The following KEL variants were observed in gnomAD, a reference collection of about 807,000 sequenced individuals.
The protein encoded by KEL is Kell metallo-endopeptidase (Kell blood group).
In KEL, 96 loss-of-function variants were observed where a neutral mutation model predicts 99.5. The ratio of observed to expected loss-of-function variants is 0.97; its 90% CI spans 0.82 to 1.14. KEL has a LOEUF of 1.14. KEL is among the 50% of genes most tolerant of loss of function. The probability of loss-of-function intolerance (pLI) is 0.00; values close to 1 mark genes in which losing one functional copy is unlikely to be tolerated. For missense variants in KEL, 926 were observed against 924.2 expected (o/e 1.00, Z -0.03); for synonymous variants, 355 against 354.8 (o/e 1.00, Z -0.01).
intron 1 of KEL, 126 bp from the exon 2 acceptor site, chr7:142,961,998 C>G: frequency 6.2e-7 from 1 of 1,610,022 alleles, no homozygotes; most frequent in East Asian, 2.2e-5. Context: ...ATATTTTTAT[C>G]TCGGAGCAGT....
At chr7:142,960,859 G>T in intron 4 of KEL, 69 bp downstream of exon 4, 2 of 1,440,140 alleles carry the variant, frequency 1.4e-6, no homozygotes, top group Non-Finnish European at 2.0e-6. Flanking sequence ...AGGGTTTGGA[G>T]CAGTCATGGT....
At chr7:142,954,569 G>A (rs1311629640) in intron 6 of KEL, 42 bp from the exon 7 acceptor site, 7 of 1,577,912 alleles carry the variant, frequency 4.4e-6, no homozygotes, top group Non-Finnish European at 6.1e-6. Context: ...GAGCATGGCG[G>A]ATGGAGAGGG....
intron 3 of KEL, 102 bp from the exon 4 acceptor site, chr7:142,961,206 T>C: frequency 6.6e-7 from 1 of 1,519,646 alleles, no homozygotes. Flanking sequence ...AGTGGGGAGC[T>C]GATGAAAAAG....
At chr7:142,946,059 T>C (rs1460004360) in intron 11 of KEL, 148 bp downstream of exon 11, 3 of 663,724 alleles carry the variant, frequency 4.5e-6, no homozygotes, top group African/African-American at 1.8e-5. Flanking sequence ...GAGCAGGCCT[T>C]TGGGTTCCCT....
At chr7:142,947,368 G>A (rs113431854) in intron 10 of KEL, among the ~76,000 whole-genome samples, 13 of 152,204 alleles carry the variant, frequency 8.5e-5, no homozygotes, top group African/African-American at 3.1e-4. Context: ...CTGGTCCTGG[G>A]AATGGAGGGG....
At chr7:142,948,085 C>A (rs1208976628) in intron 10 of KEL, among the ~76,000 whole-genome samples, 1 of 111,014 alleles carries the variant, frequency 9.0e-6, no homozygotes, top group East Asian at 2.5e-4. Context: ...TCTTCTCACC[C>A]CTTCTCATTC....
chr7:142,950,737 G>A (rs1796663130), intron 10 of KEL, among the ~76,000 whole-genome samples: 2 of 152,208 alleles, frequency 1.3e-5, no homozygotes, highest in South Asian at 2.1e-4. Context: ...TATGGATCAC[G>A]AAGTCGATAT....
chr7:142,961,164 G>T, intron 3 of KEL, 60 bp from the exon 4 acceptor site: 1 of 1,592,178 alleles, frequency 6.3e-7, no homozygotes, highest in South Asian at 1.1e-5. Context: ...CTCCCCCAAG[G>T]GGCTAGGCAA....
intron 12 of KEL, 73 bp downstream of exon 12, chr7:142,944,570 A>G (rs1042604548): frequency 2.2e-6 from 3 of 1,372,252 alleles, no homozygotes; most frequent in Non-Finnish European, 3.1e-6. Context: ...TTTGCTTCCA[A>G]TCCCCATCTC....
Position 142,961,824 on chromosome 7 carries a change from C to G in KEL, c.52G>C (p.Gly18Arg). The G allele has an allele frequency of 6.2e-7, 1 of 1,614,120 alleles. No homozygotes were observed. Among genetic ancestry groups the G allele is most frequent in the Non-Finnish European group, 8.5e-7 (1 of 1,180,012 alleles). ...EEEPRERSQA[G>R]GMGTLWSQES... ...TGGCTCCAGAGAGTTCCCATTCCAC[C>G]TGCCTGGCTGCGTTCCCTCGGCTCT... Residue 18 changes from glycine to arginine, a missense_variant, in exon 2 of 19, where the codon GGT (glycine) becomes CGT (arginine). Coordinates refer to ENST00000355265, the MANE Select transcript of KEL (RefSeq NM_000420.3).
In KEL at chr7:142,961,025, G is replaced by T. The variant is rs778069705; in HGVS notation, c.303C>A (p.Thr101=). The change falls in exon 4 of 19, where the codon ACC becomes ACA. Residue 101 remains threonine (T), a synonymous_variant. Transcript: ENST00000355265. ...TTCCACAGGCAAAGCTGAAGAAGTC[G>T]GTGCAGGGGGCCACACTTGTGTTCC... is the stretch of plus-strand genomic sequence containing the variant. ...ASGNTSVAPC[T]DFFSFACGRA... 6.2e-7 allele frequency: 1 copy of T among 1,614,190 alleles called. No individual in the cohort carries two copies. Among genetic ancestry groups the T allele is most frequent in the South Asian group, 1.1e-5 (1 of 91,088 alleles).
At position 142,944,288 on chromosome 7, in the gene KEL, G is replaced by A. The variant is rs759383904; in HGVS notation, c.1491+35C>T. 466 of 1,527,976 alleles carry A rather than the reference G, an allele frequency of 3.0e-4. 1 individual carries two copies. The highest frequency in any genetic ancestry group is 4.1e-4 in the Non-Finnish European group (454 of 1,101,466). 94.7% of individuals were successfully genotyped at this position (1,527,976 alleles called of 1,614,324 possible). On this transcript the variant is annotated intron_variant, in intron 13 of 18. Transcript: ENST00000355265. The stretch of plus-strand genomic sequence containing the variant: ...GGTCAGAGAAGTGACGAGAAGTCAA[G>A]GACTGAAAAGGAGCTGGAAAACACA...
intron 13 of KEL, 59 bp downstream of exon 13, chr7:142,944,264 G>A (rs1796451722): frequency 7.5e-7 from 1 of 1,325,552 alleles, no homozygotes. Context: ...ACTTAGGAGG[G>A]TCAGAGAAGT....
intron 17 of KEL, 136 bp downstream of exon 17, chr7:142,942,739 C>T: frequency 8.9e-7 from 1 of 1,129,472 alleles, no homozygotes; most frequent in East Asian, 2.4e-5. Flanking sequence ...CCCCAAGTTG[C>T]CGTCTATTCA....
Position 142,958,397 on chromosome 7 carries a change from C to T in KEL, c.432G>A (p.Gly144=). Reference sequence around the variant, plus strand: ...TGTAGAACTGGAAGGCTTTCTCCTCCCCAGAGCCTGGGTGCCAGGAATTCT... The same window carrying T: ...TGTAGAACTGGAAGGCTTTCTCCTCTCCAGAGCCTGGGTGCCAGGAATTCT... ...EVQNSWHPGS[G]EEKAFQFYNS... The change falls in exon 5 of 19, where the codon GGG becomes GGA. Residue 144 remains glycine (G), a synonymous_variant. Coordinates refer to ENST00000355265, the MANE Select transcript of KEL (RefSeq NM_000420.3). 1 of 1,614,140 alleles carries T rather than the reference C, an allele frequency of 6.2e-7. No individual in the cohort carries two copies. Among genetic ancestry groups the T allele is most frequent in the Non-Finnish European group, 8.5e-7 (1 of 1,180,040 alleles).
chr7:142,947,793 G>A, intron 10 of KEL, among the ~76,000 whole-genome samples: 1 of 152,192 alleles, frequency 6.6e-6, no homozygotes, highest in East Asian at 1.9e-4. Flanking sequence ...AAAGTGCTGG[G>A]ATTGCAGGCA....
At chr7:142,945,509 A>G (rs8176023) in intron 11 of KEL, among the ~76,000 whole-genome samples, 8,749 of 152,194 alleles carry the variant, frequency 0.057, 330 homozygotes, top group Non-Finnish European at 0.083. Flanking sequence ...TTCAGTGGTG[A>G]TTTATTTGAT....
At chr7:142,943,370 C>A (rs975437673) in intron 15 of KEL, 27 bp from the exon 16 acceptor site, 2 of 1,613,686 alleles carry the variant, frequency 1.2e-6, no homozygotes, top group South Asian at 1.1e-5. Context: ...TTATTTGACC[C>A]CCAGAATCTC....
chr7:142,944,585 G>A, intron 12 of KEL, 58 bp downstream of exon 12: 2 of 1,442,672 alleles, frequency 1.4e-6, no homozygotes, highest in East Asian at 4.5e-5. Context: ...CATCTCGCTT[G>A]TTCCAATACT....
Sources: gnomAD v4.1 joint callset for allele counts (sites outside exome capture counted in the v4.1 genomes callset) on GRCh38, gnomAD v4.1.1 for gene constraint, MANE v1.5 for transcripts, NCBI Gene and HGNC (gene_info 2026-07-23, HGNC 2026-07-21) for gene names.